Variants in LARP1B observed in about 807,000 individuals in gnomAD.
LARP1B encodes the protein La ribonucleoprotein 1B.
Under a neutral mutation model 114.2 loss-of-function variants are expected in LARP1B, and 76 were observed. The observed-to-expected ratio is 0.67, with a 90% CI of 0.55 to 0.81. The LOEUF is 0.81. LARP1B is among the 30% of genes least tolerant of loss of function. The pLI, the probability that LARP1B is intolerant of heterozygous loss-of-function variation, is 0.00. For synonymous variants in LARP1B, 345 were observed against 348.0 expected (o/e 0.99, Z 0.10); for missense variants, 1,014 against 1,075.8 (o/e 0.94, Z 0.80).
intron 5 of LARP1B, 41 bp downstream of exon 5, chr4:128,082,346 T>G: frequency 1.3e-6 from 2 of 1,565,060 alleles, no homozygotes; most frequent in South Asian, 2.2e-5. Context: ...AAGGAAAGAC[T>G]TAGTCTTAAT....
intron 11 of LARP1B, among the ~76,000 whole-genome samples, chr4:128,160,199 C>T (rs1029923654): frequency 2.0e-5 from 3 of 152,184 alleles, no homozygotes; most frequent in Non-Finnish European, 2.9e-5. Context: ...AGGCTTTAGC[C>T]TTTGGGCCTG....
chr4:128,162,135 T>C (rs1305626776), intron 11 of LARP1B, 59 bp from the exon 12 acceptor site: 7 of 1,535,070 alleles, frequency 4.6e-6, no homozygotes, highest in Non-Finnish European at 6.2e-6. Context: ...GTATCAATTA[T>C]TGTCTGTTGG....
At chr4:128,205,140 T>G (rs1376806202) in intron 17 of LARP1B, among the ~76,000 whole-genome samples, 1 of 152,212 alleles carries the variant, frequency 6.6e-6, no homozygotes, top group Non-Finnish European at 1.5e-5. Context: ...AAGTGTGTAG[T>G]TGGCAGTCCT....
intron 17 of LARP1B, among the ~76,000 whole-genome samples, chr4:128,204,867 T>TAAA (rs71587377): frequency 1.6e-3 from 241 of 149,492 alleles, no homozygotes; most frequent in Middle Eastern, 7.0e-3. Flanking sequence ...TTTTAAAAAT[T>TAAA]AAAAAAAAAG....
intron 7 of LARP1B, 66 bp downstream of exon 7, chr4:128,091,578 A>G: frequency 8.0e-7 from 1 of 1,244,160 alleles, no homozygotes; most frequent in Non-Finnish European, 1.1e-6. Context: ...CTTTAATGTC[A>G]TTGATAATGA....
At chr4:128,160,781 G>T (rs990846493) in intron 11 of LARP1B, among the ~76,000 whole-genome samples, 2 of 152,080 alleles carry the variant, frequency 1.3e-5, no homozygotes, top group Non-Finnish European at 2.9e-5. Flanking sequence ...AAGAAATGTT[G>T]ATAAATATAC....
At chr4:128,158,497 A>C (rs1233959431) in intron 11 of LARP1B, among the ~76,000 whole-genome samples, 2 of 152,220 alleles carry the variant, frequency 1.3e-5, no homozygotes, top group African/African-American at 4.8e-5. Context: ...AAGAGAATAA[A>C]AAGGCAAGTT....
Position 128,114,749 on chromosome 4 carries a change from T to G in LARP1B, c.1161+7T>G. The G allele has an allele frequency of 1.2e-6, 2 of 1,613,516 alleles. No homozygotes were observed. The highest frequency in any genetic ancestry group is 1.7e-6 in the Non-Finnish European group (2 of 1,179,556). ...AGCCCCAGTGAAATTGAGGGTAAGT[T>G]GTTACAGACTGAGTGAAGTGTGACA... On this transcript the variant is annotated splice_region_variant and intron_variant, in intron 10 of 19. Coordinates refer to ENST00000326639, the MANE Select transcript of LARP1B (RefSeq NM_018078.4).
At chr4:128,219,651 G>T (rs929744456) in intron 6 of LARP1B, among the ~76,000 whole-genome samples, 42 of 111,452 alleles carry the variant, frequency 3.8e-4, no homozygotes, top group African/African-American at 1.2e-3. Flanking sequence ...GTGGTGGGGT[G>T]GGGGGAGGGG....
Position 128,070,805 on chromosome 4 carries a change from A to G in LARP1B, c.-77-3655A>G, listed in dbSNP as rs575208827. ...AGTGAAACCCTATCTCAATTAAAAA[A>G]AAAAATAGCTAAGGAGTGGTCCTAA... On this transcript the variant is annotated intron_variant, in intron 1 of 19. Coordinates refer to ENST00000326639, the MANE Select transcript of LARP1B (RefSeq NM_018078.4). 3.3e-5 allele frequency among the ~76,000 whole-genome samples: 5 copies of G among 152,228 alleles called. No homozygotes were observed. The South Asian group carries it at 1.0e-3, about 32-fold the overall frequency.
chr4:128,161,328 G>A (rs959607221), intron 11 of LARP1B, among the ~76,000 whole-genome samples: 2 of 152,058 alleles, frequency 1.3e-5, no homozygotes, highest in East Asian at 1.9e-4. Flanking sequence ...GGTCAGGGCC[G>A]GAAACACTTA....
At chr4:128,171,914 AT>A (rs769807581) in intron 12 of LARP1B, among the ~76,000 whole-genome samples, 368 of 142,950 alleles carry the variant, frequency 2.6e-3, no homozygotes, top group Middle Eastern at 7.1e-3. Context: ...TACTTTCAAG[AT>A]TTTTTTTTTT....
At chr4:128,132,284 G>T (rs954247089) in intron 11 of LARP1B, among the ~76,000 whole-genome samples, 2 of 151,990 alleles carry the variant, frequency 1.3e-5, no homozygotes, top group Admixed American at 6.6e-5. Context: ...TTACTCTGTC[G>T]CCCTGGCTGG....
In LARP1B at chr4:128,107,522, T is replaced by TA; in HGVS notation, c.988+210dup. The TA allele has an allele frequency of 2.1e-6, 3 of 1,400,948 alleles. No homozygotes were observed. The South Asian group carries it at 4.8e-5, about 22-fold the overall frequency. The allele number at this position is 1,400,948 out of a possible 1,614,324, so 86.8% of individuals were successfully genotyped here. A position where few individuals can be genotyped will look rare whatever the true frequency, so the allele number is the denominator to read the frequency against. On this transcript the variant is annotated intron_variant, in intron 9 of 19. Transcript: ENST00000326639. ...TTAAGAATTATGAGGAAAGCTGTCT[T>TA]ATGTTTCTTGTTCTTAAATTATATG... is the stretch of plus-strand genomic sequence containing the variant.
At chr4:128,070,200 G>C (rs948918011) in intron 1 of LARP1B, among the ~76,000 whole-genome samples, 1 of 151,712 alleles carries the variant, frequency 6.6e-6, no homozygotes, top group Non-Finnish European at 1.5e-5. Context: ...GGCACCTGTA[G>C]TCCCAGCTAC....
intron 19 of LARP1B, among the ~76,000 whole-genome samples, chr4:128,209,359 T>A (rs1758467254): frequency 1.3e-5 from 2 of 151,950 alleles, no homozygotes; most frequent in South Asian, 4.1e-4. Flanking sequence ...AGGCAAAGAT[T>A]CCAGTGAGCC....
At chr4:128,144,507 T>C (rs542265186) in intron 11 of LARP1B, among the ~76,000 whole-genome samples, 1 of 152,246 alleles carries the variant, frequency 6.6e-6, no homozygotes, top group African/African-American at 2.4e-5. Context: ...TGAGGTTCTT[T>C]CTGTTTTTTT....
intron 1 of LARP1B, among the ~76,000 whole-genome samples, chr4:128,070,685 C>G (rs1445431931): frequency 6.6e-6 from 1 of 151,562 alleles, no homozygotes. Context: ...TTAGGATGAC[C>G]GGCTGTAGTG....
intron 10 of LARP1B, among the ~76,000 whole-genome samples, chr4:128,120,452 C>CTTT (rs34303419): frequency 4.2e-5 from 6 of 143,820 alleles, no homozygotes; most frequent in Non-Finnish European, 6.1e-5. Flanking sequence ...GTTTTAAGTT[C>CTTT]TTTTTTTTTT....
Sources: allele counts gnomAD v4.1 joint callset (sites outside exome capture counted in the v4.1 genomes callset), GRCh38; gene constraint gnomAD v4.1.1; transcripts MANE v1.5; gene names NCBI Gene and HGNC (gene_info 2026-07-23, HGNC 2026-07-21).